Variants in NSG2 observed in about 807,000 individuals in gnomAD.
NSG2 encodes neuronal vesicle trafficking associated 2, also known as neuronal vesicle trafficking-associated protein 2.
NSG2 carries 4 observed loss-of-function variants against 16.9 expected under a neutral mutation model. The observed-to-expected ratio is 0.24, with a 90% CI of 0.12 to 0.54. The LOEUF (loss-of-function observed/expected upper bound fraction) is 0.54, where lower values mean the gene tolerates loss of function less well. Among genes scored for constraint, NSG2 ranks in the 20% least tolerant of loss-of-function variants. The pLI, the probability that NSG2 is intolerant of heterozygous loss-of-function variation, is 0.95. For synonymous variants in NSG2, 98 were observed against 88.7 expected (o/e 1.11, Z -0.59); for missense variants, 179 against 221.1 (o/e 0.81, Z 1.21).
At chr5:174,054,460 G>A (rs1759936824) in intron 2 of NSG2, among the ~76,000 whole-genome samples, 1 of 152,160 alleles carries the variant, frequency 6.6e-6, no homozygotes, top group South Asian at 2.1e-4. Flanking sequence ...ATAGCTCCCT[G>A]CAGTCGCGAA....
intron 3 of NSG2, among the ~76,000 whole-genome samples, chr5:174,095,282 C>G (rs1760779177): frequency 6.6e-6 from 1 of 152,168 alleles, no homozygotes; most frequent in South Asian, 2.1e-4. Flanking sequence ...GCTGCCAAAA[C>G]AAATGACCAT....
intron 3 of NSG2, among the ~76,000 whole-genome samples, chr5:174,081,887 C>CAAA (rs60742273): frequency 2.3e-4 from 16 of 70,138 alleles, no homozygotes; most frequent in Non-Finnish European, 2.5e-4. Context: ...GACTCCGACT[C>CAAA]AAAAAAAAAA....
chr5:174,053,316 A>G (rs544540253), intron 2 of NSG2, among the ~76,000 whole-genome samples: 80 of 152,314 alleles, frequency 5.3e-4, no homozygotes, highest in African/African-American at 1.8e-3. Context: ...GGCATCCAGA[A>G]TATGTCTCTT....
At chr5:174,104,852 C>G (rs1418728784) in intron 4 of NSG2, among the ~76,000 whole-genome samples, 1 of 152,172 alleles carries the variant, frequency 6.6e-6, no homozygotes, top group Non-Finnish European at 1.5e-5. Context: ...CCCCTCTGAA[C>G]CTCGTTTTCT....
chr5:174,066,318 C>A (rs566917394), intron 3 of NSG2: 3 of 449,676 alleles, frequency 6.7e-6, no homozygotes, highest in South Asian at 4.7e-5. Flanking sequence ...CAGGAGAGGC[C>A]TGGGGTATCT....
chr5:174,092,214 C>T (rs1342457562), intron 3 of NSG2, among the ~76,000 whole-genome samples: 1 of 152,242 alleles, frequency 6.6e-6, no homozygotes, highest in Admixed American at 6.5e-5. Context: ...AGTCATAGAC[C>T]TGCTGTGCCA....
chr5:174,065,186 G>A (rs1344907527), intron 3 of NSG2, among the ~76,000 whole-genome samples: 1 of 152,104 alleles, frequency 6.6e-6, no homozygotes, highest in Admixed American at 6.5e-5. Flanking sequence ...AAATTAGCTG[G>A]GCGTAGTGGC....
chr5:174,106,583 CTTTTTTTTTTTTTTT>C (rs752375646), intron 4 of NSG2, among the ~76,000 whole-genome samples: 3 of 93,484 alleles, frequency 3.2e-5, no homozygotes, highest in African/African-American at 1.3e-4. Context: ...GGAATGAAGC[CTTTTTTTTTTTTTTT>C]TTTTTTTTTT....
chr5:174,106,383 A>T (rs1760979245), intron 4 of NSG2, among the ~76,000 whole-genome samples: 1 of 152,060 alleles, frequency 6.6e-6, no homozygotes. Flanking sequence ...CCGGTTGTAG[A>T]TGACAGCATG....
intron 3 of NSG2, among the ~76,000 whole-genome samples, chr5:174,101,307 C>T (rs1760893247): frequency 6.6e-6 from 1 of 152,170 alleles, no homozygotes; most frequent in African/African-American, 2.4e-5. Context: ...AGAGAAAACT[C>T]GTGTAACATA....
At chr5:174,074,536 G>T (rs1294728089) in intron 3 of NSG2, among the ~76,000 whole-genome samples, 2 of 151,940 alleles carry the variant, frequency 1.3e-5, no homozygotes, top group Admixed American at 1.3e-4. Flanking sequence ...ACCCCTTCAC[G>T]CAATATGAGA....
intron 2 of NSG2, among the ~76,000 whole-genome samples, chr5:174,050,882 A>G (rs1759877630): frequency 6.6e-6 from 1 of 151,874 alleles, no homozygotes; most frequent in East Asian, 1.9e-4. Flanking sequence ...CCAAGCCTCC[A>G]CACTGCCCCC....
At chr5:174,087,250 G>A (rs1359254058) in intron 3 of NSG2, among the ~76,000 whole-genome samples, 2 of 152,176 alleles carry the variant, frequency 1.3e-5, no homozygotes, top group Non-Finnish European at 2.9e-5. Context: ...TGCGGATGGA[G>A]AGAACCGGTG....
chr5:174,088,294 G>A (rs1318107222), intron 3 of NSG2, among the ~76,000 whole-genome samples: 1 of 152,184 alleles, frequency 6.6e-6, no homozygotes, highest in Non-Finnish European at 1.5e-5. Context: ...TGGTAATAGT[G>A]GGAGAAGCTG....
intron 3 of NSG2, among the ~76,000 whole-genome samples, chr5:174,077,561 C>G (rs1234982603): frequency 6.6e-6 from 1 of 152,210 alleles, no homozygotes; most frequent in African/African-American, 2.4e-5. Context: ...GAATGCTTTT[C>G]TCTTCCCACA....
chr5:174,064,650 G>T (rs1376419460), intron 3 of NSG2, among the ~76,000 whole-genome samples: 1 of 151,964 alleles, frequency 6.6e-6, no homozygotes, highest in Non-Finnish European at 1.5e-5. Flanking sequence ...TGCAGTAAGT[G>T]ACTCACATTT....
chr5:174,105,739 A>G (rs1760970104), intron 4 of NSG2, among the ~76,000 whole-genome samples: 1 of 152,194 alleles, frequency 6.6e-6, no homozygotes, highest in Non-Finnish European at 1.5e-5. Flanking sequence ...CGTCTCTACT[A>G]AAAATACAAA....
At position 174,058,809 on chromosome 5, in the gene NSG2, C is replaced by T. The variant is rs114405669; in HGVS notation, c.130-5423C>T. On this transcript the variant is annotated intron_variant, in intron 2 of 4. Coordinates refer to ENST00000303177, the MANE Select transcript of NSG2 (RefSeq NM_015980.5). ...GAGTTCCAAAGAGCTAACACTTCCT[C>T]GGGGTGAAGACAAAATATTGTGTAG... Among the ~76,000 whole-genome samples, 898 of 152,294 alleles carry T rather than the reference C, an allele frequency of 5.9e-3. 5 individuals are homozygous for T. The highest frequency in any genetic ancestry group is 0.021 in the African/African-American group (855 of 41,556).
chr5:174,050,494 A>G (rs1759870195), intron 2 of NSG2, among the ~76,000 whole-genome samples: 2 of 152,122 alleles, frequency 1.3e-5, no homozygotes, highest in African/African-American at 4.8e-5. Flanking sequence ...CTCATGAGGA[A>G]ACTGAGGCTC....
Sources: gnomAD v4.1 joint callset for allele counts (sites outside exome capture counted in the v4.1 genomes callset) on GRCh38, gnomAD v4.1.1 for gene constraint, MANE v1.5 for transcripts, NCBI Gene and HGNC (gene_info 2026-07-23, HGNC 2026-07-21) for gene names.